ZNF385D: variants seen among roughly 807,000 people sequenced by gnomAD.
The protein encoded by ZNF385D is zinc finger protein 659.
A neutral mutation model predicts 35.8 loss-of-function variants in ZNF385D; 15 were observed. That is an observed-to-expected ratio of 0.42 (90% CI 0.28 to 0.64). ZNF385D has a LOEUF of 0.64. Among genes scored for constraint, ZNF385D ranks in the 30% least tolerant of loss-of-function variants. ZNF385D has a pLI of 0.23. For missense variants in ZNF385D, 474 were observed against 494.6 expected, an observed-to-expected ratio of 0.96 and a Z score of 0.39; for synonymous variants, 212 against 186.8, an observed-to-expected ratio of 1.13 and a Z score of -1.10.
chr3:21,615,846 G>C (rs2064832022), intron 2 of ZNF385D, among the ~76,000 whole-genome samples: 1 of 131,064 alleles, frequency 7.6e-6, no homozygotes, highest in Non-Finnish European at 1.6e-5. Flanking sequence ...AATTTGCAAA[G>C]ACCCCATTAT....
At chr3:22,192,562 A>C (rs1490246403) in intron 2 of ZNF385D, among the ~76,000 whole-genome samples, 1 of 152,146 alleles carries the variant, frequency 6.6e-6, no homozygotes, top group Admixed American at 6.6e-5. Flanking sequence ...TTGTGAAGAC[A>C]CTCAAGCAAG....
At chr3:22,330,265 A>G (rs902341567) in intron 2 of ZNF385D, among the ~76,000 whole-genome samples, 17 of 152,194 alleles carry the variant, frequency 1.1e-4, no homozygotes. Context: ...AGAATTTTTA[A>G]ATGTTTATTT....
chr3:21,914,382 T>A (rs1273289328), intron 3 of ZNF385D, among the ~76,000 whole-genome samples: 1 of 1,586 alleles, frequency 6.3e-4, no homozygotes, highest in Admixed American at 7.6e-3. Context: ...TTTGTTTGAC[T>A]TTTTTTTTTT....
chr3:22,139,003 C>T (rs1441429874), intron 3 of ZNF385D, among the ~76,000 whole-genome samples: 2 of 152,146 alleles, frequency 1.3e-5, no homozygotes, highest in South Asian at 2.1e-4. Flanking sequence ...AAAAAGTGGG[C>T]AAAGGATATG....
chr3:21,540,289 G>C (rs2062140978), intron 3 of ZNF385D, among the ~76,000 whole-genome samples: 1 of 152,148 alleles, frequency 6.6e-6, no homozygotes. Flanking sequence ...TGAGAGAGAA[G>C]ATAGAGTCAA....
intron 2 of ZNF385D, among the ~76,000 whole-genome samples, chr3:22,328,808 G>A (rs1461352681): frequency 6.6e-6 from 1 of 151,470 alleles, no homozygotes; most frequent in Non-Finnish European, 1.5e-5. Context: ...GGGCGCGGTG[G>A]CTCACGCCTG....
intron 3 of ZNF385D, among the ~76,000 whole-genome samples, chr3:22,166,586 A>T (rs967741912): frequency 3.9e-5 from 6 of 152,230 alleles, no homozygotes; most frequent in African/African-American, 4.8e-5. Context: ...TTGGTTGGTT[A>T]TGAGGAAAAA....
At chr3:21,907,189 T>C (rs1699725215) in intron 3 of ZNF385D, among the ~76,000 whole-genome samples, 1 of 152,170 alleles carries the variant, frequency 6.6e-6, no homozygotes, top group African/African-American at 2.4e-5. Flanking sequence ...CATTCCTTAA[T>C]AGATGTATAA....
intron 2 of ZNF385D, among the ~76,000 whole-genome samples, chr3:21,659,494 C>T (rs558987840): frequency 3.3e-5 from 5 of 152,124 alleles, no homozygotes; most frequent in East Asian, 1.9e-4. Flanking sequence ...ATGTAGTAAG[C>T]GTTCAATAAA....
In ZNF385D at chr3:21,792,833, G is replaced by A. The variant is rs545527908; in HGVS notation, c.326-127805C>T. 5.9e-5 allele frequency among the ~76,000 whole-genome samples: 9 copies of A among 152,248 alleles called. No homozygotes were observed. In the South Asian group the frequency reaches 1.9e-3, roughly 32 times the overall value. ...TCCAGCTATTTTGTGCCAAATGATTGTTTTGATTTTTTTAAAAAGAGCTTA... is the reference window on the plus strand; with the variant it reads ...TCCAGCTATTTTGTGCCAAATGATTATTTTGATTTTTTTAAAAAGAGCTTA... On this transcript the variant is annotated intron_variant, in intron 3 of 5. Transcript: ENST00000494108.
intron 2 of ZNF385D, among the ~76,000 whole-genome samples, chr3:22,354,527 TTTAAA>T (rs1426345219): frequency 4.6e-5 from 7 of 152,090 alleles, no homozygotes; most frequent in African/African-American, 1.4e-4. Context: ...ATTGTATTCA[TTTAAA>T]TTAAATTGTA....
intron 3 of ZNF385D, among the ~76,000 whole-genome samples, chr3:21,884,619 G>A (rs189964908): frequency 1.3e-4 from 20 of 152,090 alleles, no homozygotes; most frequent in Admixed American, 1.1e-3. Context: ...GCAATAAATG[G>A]CCAGAACTCA....
At chr3:21,760,187 C>T (rs569609802) in intron 3 of ZNF385D, among the ~76,000 whole-genome samples, 1 of 152,084 alleles carries the variant, frequency 6.6e-6, no homozygotes, top group African/African-American at 2.4e-5. Flanking sequence ...ATAAAATGAC[C>T]GGATGCCATT....
intron 3 of ZNF385D, among the ~76,000 whole-genome samples, chr3:22,078,223 C>A (rs904465631): frequency 2.0e-5 from 3 of 151,812 alleles, no homozygotes; most frequent in African/African-American, 7.3e-5. Flanking sequence ...AGCATAGACC[C>A]TTTTCAAAAG....
intron 1 of ZNF385D, among the ~76,000 whole-genome samples, chr3:21,742,284 G>A (rs1168026522): frequency 6.6e-6 from 1 of 152,210 alleles, no homozygotes; most frequent in Non-Finnish European, 1.5e-5. Flanking sequence ...CTTGAACCAG[G>A]AGGATTGGTG....
At chr3:22,091,724 T>G (rs921196969) in intron 3 of ZNF385D, among the ~76,000 whole-genome samples, 1 of 152,212 alleles carries the variant, frequency 6.6e-6, no homozygotes, top group African/African-American at 2.4e-5. Context: ...TGTGGAAGGC[T>G]GCACCATATG....
chr3:21,756,401 G>A (rs1165278643), intron 3 of ZNF385D, among the ~76,000 whole-genome samples: 1 of 152,112 alleles, frequency 6.6e-6, no homozygotes, highest in African/African-American at 2.4e-5. Flanking sequence ...ACTTGCTTTA[G>A]GGGAGGTTAG....
intron 2 of ZNF385D, among the ~76,000 whole-genome samples, chr3:22,263,785 G>C (rs566864945): frequency 6.6e-6 from 1 of 151,936 alleles, no homozygotes; most frequent in Non-Finnish European, 1.5e-5. Context: ...ATTTTTTATT[G>C]TGACAACTGA....
intron 2 of ZNF385D, among the ~76,000 whole-genome samples, chr3:21,585,477 C>G (rs893294775): frequency 4.6e-5 from 7 of 152,202 alleles, no homozygotes; most frequent in African/African-American, 7.2e-5. Context: ...TCTGGATAAC[C>G]ATTTGCATTT....
Sources: allele counts gnomAD v4.1 joint callset (sites outside exome capture counted in the v4.1 genomes callset), GRCh38; gene constraint gnomAD v4.1.1; transcripts MANE v1.5; gene names NCBI Gene and HGNC (gene_info 2026-07-23, HGNC 2026-07-21).